The following KCTD7 variants were observed in gnomAD, a reference collection of about 807,000 sequenced individuals.
KCTD7 encodes BTB/POZ domain-containing protein KCTD7.
A neutral mutation model predicts 27.0 loss-of-function variants in KCTD7; 15 were observed. The ratio of observed to expected loss-of-function variants is 0.56; its 90% CI spans 0.37 to 0.86. KCTD7 has a LOEUF of 0.86. Ranked by LOEUF, KCTD7 falls within the 40% of genes least tolerant of loss-of-function variation. The pLI is 0.00. For synonymous variants in KCTD7, 159 were observed against 162.7 expected, an observed-to-expected ratio of 0.98 and a Z score of 0.17; for missense variants, 299 against 398.9, an observed-to-expected ratio of 0.75 and a Z score of 2.13.
chr7:66,642,584 C>A lies in KCTD7; in HGVS notation c.*3352C>A. The A allele has an allele frequency of 1.0e-6, 1 of 985,422 alleles. No homozygotes were observed. Among genetic ancestry groups the A allele is most frequent in the Non-Finnish European group, 1.2e-6 (1 of 829,930 alleles). 61.0% of individuals were successfully genotyped at this position (985,422 alleles called of 1,614,324 possible). On this transcript the variant is annotated 3_prime_UTR_variant, in exon 4 of 4. Coordinates refer to ENST00000639828, the MANE Select transcript of KCTD7 (RefSeq NM_153033.5). The stretch of plus-strand genomic sequence containing the variant: ...GAGCGTTTTGATCCTAGTAATATTT[C>A]AAATATTGTCCTTCTGCATATGTTC...
chr7:66,639,580 G>C lies in KCTD7; in HGVS notation c.*348G>C, dbSNP rs1330065792. On this transcript the variant is annotated 3_prime_UTR_variant, in exon 4 of 4. Coordinates refer to ENST00000639828, the MANE Select transcript of KCTD7 (RefSeq NM_153033.5). ...TGCAAGAGAGTTTCTGCCCATTTTA[G>C]AGCCACGTTACCAAATCGATGTAGG... 3.7e-6 allele frequency: 5 copies of C among 1,352,544 alleles called. No homozygotes were observed. The highest frequency in any genetic ancestry group is 3.8e-6 in the Non-Finnish European group (4 of 1,048,158). 83.8% of individuals were successfully genotyped at this position (1,352,544 alleles called of 1,614,324 possible). A position where few individuals can be genotyped will look rare whatever the true frequency, so the allele number is the denominator to read the frequency against.
At position 66,640,894 on chromosome 7, in the gene KCTD7, C is replaced by T; in HGVS notation, c.*1662C>T. ...CCTCACTGGTATCAGACTTACAGGA[C>T]CAGATAGACAAGATGGGTATAAGGG... On this transcript the variant is annotated 3_prime_UTR_variant, in exon 4 of 4. Transcript: ENST00000639828. The T allele has an allele frequency of 1.0e-6, 1 of 986,296 alleles. No homozygotes were observed. Among genetic ancestry groups the T allele is most frequent in the Non-Finnish European group, 1.2e-6 (1 of 830,610 alleles). The allele number at this position is 986,296 out of a possible 1,614,324, so 61.1% of individuals were successfully genotyped here.
Position 66,642,961 on chromosome 7 carries a change from C to T in KCTD7, c.*3729C>T. On this transcript the variant is annotated 3_prime_UTR_variant, in exon 4 of 4. Transcript: ENST00000639828. ...GGTTTATGTACACACTATAACACTT[C>T]CTGTGTGAGTTCATGTACCTGTCTG... 1 of 985,300 alleles carries T rather than the reference C, an allele frequency of 1.0e-6. No homozygotes were observed. Among genetic ancestry groups the T allele is most frequent in the Non-Finnish European group, 1.2e-6 (1 of 829,900 alleles). 61.0% of individuals were successfully genotyped at this position (985,300 alleles called of 1,614,324 possible).
intron 2 of KCTD7, among the ~76,000 whole-genome samples, chr7:66,636,802 T>C (rs1313899554): frequency 6.6e-6 from 1 of 152,032 alleles, no homozygotes; most frequent in Non-Finnish European, 1.5e-5. Context: ...ATCTGAAAAG[T>C]GAATTAGAAG....
rs2116775565 is a variant in KCTD7, at chr7:66,639,089, G to A, written c.727G>A (p.Asp243Asn). Residue 243 changes from aspartate to asparagine, a missense_variant, in exon 4 of 4, where the codon GAC becomes AAC. Physicochemically the swap from Asp to Asn is conservative, Grantham distance 23. Coordinates refer to ENST00000639828, the MANE Select transcript of KCTD7 (RefSeq NM_153033.5). ...CTGGGAGGCTGTGGCTGATGTTTAT[G>A]ACCTGCTGCACTGCCTGGTCACGGA... ...GPWEAVADVY[D>N]LLHCLVTDLS... 1 of 1,614,166 alleles carries A rather than the reference G, an allele frequency of 6.2e-7. No homozygotes were observed. Among genetic ancestry groups the A allele is most frequent in the Non-Finnish European group, 8.5e-7 (1 of 1,180,026 alleles).
Position 66,633,593 on chromosome 7 carries a change from A to AT in KCTD7, c.314+166dup, listed in dbSNP as rs200130485. 23,530 of 633,154 alleles carry AT rather than the reference A, an allele frequency of 0.037. 8 individuals carry two copies. Among genetic ancestry groups the AT allele is most frequent in the Middle Eastern group, 0.041 (94 of 2,306 alleles). The allele number at this position is 633,154 out of a possible 1,614,324, so 39.2% of individuals were successfully genotyped here. A position where few individuals can be genotyped will look rare whatever the true frequency, so the allele number is the denominator to read the frequency against. Reference sequence around the variant, plus strand: ...TAAATGGGTTTATTGAAAGAGATCAATTTTTTTTTTTTTTTTTGCCAAAGG... The same window carrying AT: ...TAAATGGGTTTATTGAAAGAGATCAATTTTTTTTTTTTTTTTTTGCCAAAGG... On this transcript the variant is annotated intron_variant, in intron 2 of 3. Transcript: ENST00000639828.
At position 66,642,348 on chromosome 7, in the gene KCTD7, G is replaced by C. The variant is rs1786739340; in HGVS notation, c.*3116G>C. The C allele has an allele frequency of 1.2e-5, 12 of 985,294 alleles. No individual in the cohort carries two copies. Among genetic ancestry groups the C allele is most frequent in the African/African-American group, 8.7e-5 (5 of 57,228 alleles). 61.0% of individuals were successfully genotyped at this position (985,294 alleles called of 1,614,324 possible). A position where few individuals can be genotyped will look rare whatever the true frequency, so the allele number is the denominator to read the frequency against. ...CTGGAAGTTTCTGTTCTTCTTTCCTGGGGCTTAGGATATTCTGGGAGCTGT... is the reference window on the plus strand; with the variant it reads ...CTGGAAGTTTCTGTTCTTCTTTCCTCGGGCTTAGGATATTCTGGGAGCTGT... On this transcript the variant is annotated 3_prime_UTR_variant, in exon 4 of 4. Transcript: ENST00000639828.
chr7:66,635,890 TTTTG>T (rs1192196995), intron 2 of KCTD7, among the ~76,000 whole-genome samples: 1 of 151,616 alleles, frequency 6.6e-6, no homozygotes, highest in Non-Finnish European at 1.5e-5. Context: ...TGCCCCAGGG[TTTTG>T]TTTTTCAGAG....
rs932417352 is a variant in KCTD7, at chr7:66,638,249, T to A, written c.315-4T>A. The A allele has an allele frequency of 2.5e-6, 4 of 1,614,056 alleles. No homozygotes were observed. In the African/African-American group the frequency reaches 5.3e-5, roughly 22 times the overall value. Reference sequence around the variant, plus strand: ...GTCACCGACCCTCTTTCCTTCCTGCTTAGAGATGTGCTGAATTTCCTGCGC... The same window carrying A: ...GTCACCGACCCTCTTTCCTTCCTGCATAGAGATGTGCTGAATTTCCTGCGC... On this transcript the variant is annotated splice_region_variant and splice_polypyrimidine_tract_variant and intron_variant, in intron 2 of 3. Transcript: ENST00000639828.
chr7:66,630,280 A>C (rs1212357810), intron 1 of KCTD7, among the ~76,000 whole-genome samples: 2 of 152,096 alleles, frequency 1.3e-5, no homozygotes, highest in Non-Finnish European at 2.9e-5. Flanking sequence ...AAACAAACAA[A>C]AACAAAAAAA....
rs891498687 is a variant in KCTD7 at position 66,642,449 on chromosome 7, G to A, written c.*3217G>A. On this transcript the variant is annotated 3_prime_UTR_variant, in exon 4 of 4. Coordinates refer to ENST00000639828, the MANE Select transcript of KCTD7 (RefSeq NM_153033.5). ...GCTGCTTGCTGGAGGAATAGGAAGT[G>A]ACATTTATAAGACACAGGCGGTGTG... 2 of 985,334 alleles carry A rather than the reference G, an allele frequency of 2.0e-6. No homozygotes were observed. The highest frequency in any genetic ancestry group is 3.5e-5 in the African/African-American group (2 of 57,232). The allele number at this position is 985,334 out of a possible 1,614,324, so 61.0% of individuals were successfully genotyped here.
At chr7:66,632,885 A>ATAT (rs1554397723) in intron 1 of KCTD7, among the ~76,000 whole-genome samples, 122 of 149,542 alleles carry the variant, frequency 8.2e-4, no homozygotes, top group African/African-American at 2.8e-3. Context: ...CTACTAAAAA[A>ATAT]ATATATATAT....
Position 66,638,446 on chromosome 7 carries a change from C to T in KCTD7, c.493+15C>T, listed in dbSNP as rs2116774177. The T allele has an allele frequency of 6.2e-7, 1 of 1,601,918 alleles. No homozygotes were observed. The highest frequency in any genetic ancestry group is 2.3e-5 in the East Asian group (1 of 44,286). On this transcript the variant is annotated intron_variant, in intron 3 of 3. Coordinates refer to ENST00000639828, the MANE Select transcript of KCTD7 (RefSeq NM_153033.5). ...CTATTACAAAGGTGAGGGTCAGCTG[C>T]CCAGGATGGTGGGTATGTGGGAGGA...
At chr7:66,634,668 A>G (rs1309607415) in intron 2 of KCTD7, among the ~76,000 whole-genome samples, 2 of 152,112 alleles carry the variant, frequency 1.3e-5, no homozygotes, top group Admixed American at 1.3e-4. Flanking sequence ...CAGCGTTGCC[A>G]TGGGAAGGAG....
chr7:66,638,606 AC>A lies in KCTD7; in HGVS notation c.493+177del. The A allele has an allele frequency of 3.6e-6, 3 of 833,356 alleles. No individual in the cohort carries two copies. In the South Asian group the frequency reaches 5.1e-5, roughly 14 times the overall value. The allele number at this position is 833,356 out of a possible 1,614,324, so 51.6% of individuals were successfully genotyped here. A position where few individuals can be genotyped will look rare whatever the true frequency, so the allele number is the denominator to read the frequency against. On this transcript the variant is annotated intron_variant, in intron 3 of 3. Coordinates refer to ENST00000639828, the MANE Select transcript of KCTD7 (RefSeq NM_153033.5). ...GGGAGATTCAGGTTAAGGTGGGCCT[AC>A]CTGGCCTATGACAGTTAGCAAATTG...
At position 66,633,592 on chromosome 7, in the gene KCTD7, A is replaced by AAT. The variant is rs202174213; in HGVS notation, c.314+149_314+150dup. 5.4e-3 allele frequency: 4,144 copies of AAT among 761,628 alleles called. 7 individuals carry two copies. Among genetic ancestry groups the AAT allele is most frequent in the East Asian group, 0.022 (734 of 34,048 alleles). 47.2% of individuals were successfully genotyped at this position (761,628 alleles called of 1,614,324 possible). ...ATAAATGGGTTTATTGAAAGAGATC[A>AAT]ATTTTTTTTTTTTTTTTTGCCAAAG... is the stretch of plus-strand genomic sequence containing the variant. On this transcript the variant is annotated intron_variant, in intron 2 of 3. Coordinates refer to ENST00000639828, the MANE Select transcript of KCTD7 (RefSeq NM_153033.5).
intron 1 of KCTD7, among the ~76,000 whole-genome samples, chr7:66,629,491 T>A (rs1168632025): frequency 6.6e-6 from 1 of 151,672 alleles, no homozygotes; most frequent in Non-Finnish European, 1.5e-5. Flanking sequence ...ATGTCCCACT[T>A]TTACCGAAGA....
Position 66,641,151 on chromosome 7 carries a change from T to TA in KCTD7, c.*1919_*1920insA. On this transcript the variant is annotated 3_prime_UTR_variant, in exon 4 of 4. Coordinates refer to ENST00000639828, the MANE Select transcript of KCTD7 (RefSeq NM_153033.5). ...GTTCTGAGATATGCGCTCTCTCTAT[T>TA]GTTCTCGTACACAAAGGGATAGTCT... 5 of 985,450 alleles carry TA rather than the reference T, an allele frequency of 5.1e-6. No homozygotes were observed. In the South Asian group the frequency reaches 1.9e-4, roughly 37 times the overall value. 61.0% of individuals were successfully genotyped at this position (985,450 alleles called of 1,614,324 possible).
intron 1 of KCTD7, among the ~76,000 whole-genome samples, chr7:66,631,957 T>C (rs1000188320): frequency 6.6e-6 from 1 of 152,170 alleles, no homozygotes; most frequent in Admixed American, 6.5e-5. Context: ...GCTTGGGGTC[T>C]AGTGGAGTGA....
Sources: gnomAD v4.1 joint callset for allele counts (sites outside exome capture counted in the v4.1 genomes callset) on GRCh38, gnomAD v4.1.1 for gene constraint, MANE v1.5 for transcripts, NCBI Gene and HGNC (gene_info 2026-07-23, HGNC 2026-07-21) for gene names.